The following ZNF71 variants were observed in gnomAD, a reference collection of about 807,000 sequenced individuals.
ZNF71 encodes the protein zinc finger protein 71.
Under a neutral mutation model 6.7 loss-of-function variants are expected in ZNF71, and 3 were observed. The observed-to-expected ratio is 0.45, with a 90% CI of 0.20 to 1.16. The LOEUF (loss-of-function observed/expected upper bound fraction) is 1.16. ZNF71 is among the 50% of genes most tolerant of loss of function. ZNF71 has a pLI of 0.25. For synonymous variants in ZNF71, 343 were observed against 311.1 expected (o/e 1.10, Z -1.08); for missense variants, 688 against 728.6 (o/e 0.94, Z 0.64).
Position 56,621,471 on chromosome 19 carries a change from C to T in ZNF71, c.364C>T (p.Pro122Ser), listed in dbSNP as rs1253817718. ...AGAEWEPLGI[P>S]QGNKLLGGSV... Reference sequence around the variant, plus strand: ...TGCAGAGTGGGAGCCATTGGGAATTCCCCAGGGGAACAAACTCTTAGGGGG... The same window carrying T: ...TGCAGAGTGGGAGCCATTGGGAATTTCCCAGGGGAACAAACTCTTAGGGGG... The change falls in exon 4 of 4, where the codon CCC becomes TCC. Residue 122 changes from proline to serine, a missense_variant. By Grantham distance (74) the Pro-to-Ser change is moderately conservative (BLOSUM62 -1). Transcript: ENST00000599599. 1 of 1,613,994 alleles carries T rather than the reference C, an allele frequency of 6.2e-7. No individual in the cohort carries two copies. The highest frequency in any genetic ancestry group is 8.5e-7 in the Non-Finnish European group (1 of 1,179,946).
chr19:56,609,483 C>T (rs73625112), intron 2 of ZNF71, among the ~76,000 whole-genome samples: 12,401 of 152,180 alleles, frequency 0.081, 1,616 homozygotes, highest in African/African-American at 0.27. Context: ...GGCAACCACA[C>T]ATCTACCTTC....
Position 56,613,787 on chromosome 19 carries a change from A to G in ZNF71, c.34-25A>G, listed in dbSNP as rs762003651. Reference sequence around the variant, plus strand: ...CCTCTGTAAGGAGGGCCCTGCGATGAGCGGATGTGGGTTTCCTCTTACAGG... The same window carrying G: ...CCTCTGTAAGGAGGGCCCTGCGATGGGCGGATGTGGGTTTCCTCTTACAGG... On this transcript the variant is annotated intron_variant, in intron 2 of 3. Transcript: ENST00000599599. This position sits in a 1 kb window ranked among gnomAD's most constrained non-coding sequence, Gnocchi z 4.6. 60 of 1,084,126 alleles carry G rather than the reference A, an allele frequency of 5.5e-5. No homozygotes were observed. The highest frequency in any genetic ancestry group is 6.7e-5 in the African/African-American group (4 of 59,452). The allele number at this position is 1,084,126 out of a possible 1,614,324, so 67.2% of individuals were successfully genotyped here. A position where few individuals can be genotyped will look rare whatever the true frequency, so the allele number is the denominator to read the frequency against.
At position 56,623,588 on chromosome 19, in the gene ZNF71, A is replaced by G. The variant is rs183693053; in HGVS notation, c.*831A>G. 3.6e-5 allele frequency: 6 copies of G among 167,234 alleles called. No individual in the cohort carries two copies. In the East Asian group the frequency reaches 9.6e-4, roughly 27 times the overall value. The allele number at this position is 167,234 out of a possible 1,614,324, so 10.4% of individuals were successfully genotyped here. On this transcript the variant is annotated 3_prime_UTR_variant, in exon 4 of 4. Transcript: ENST00000599599. ...TCAATAAGTATATACATCTGAGCAC[A>G]GATTATTTTTATAGTGATTTTTGCA... is the stretch of plus-strand genomic sequence containing the variant.
chr19:56,596,614 G>T (rs556501012), intron 1 of ZNF71, among the ~76,000 whole-genome samples: 1 of 152,314 alleles, frequency 6.6e-6, no homozygotes. Context: ...CCAAGGAGAG[G>T]TTGATTTGTT....
intron 1 of ZNF71, among the ~76,000 whole-genome samples, chr19:56,600,017 C>T (rs922813360): frequency 2.0e-5 from 3 of 151,244 alleles, no homozygotes; most frequent in African/African-American, 7.3e-5. Context: ...TATTATTGAT[C>T]ATAGTCACCC....
chr19:56,621,360 C>A lies in ZNF71; in HGVS notation c.253C>A (p.Pro85Thr), dbSNP rs1458757862. ...CGTTGTTGGGGAGGCCACGGGGGGA[C>A]CCACGAGGAATGGTGCCAGGGGTCC... ...LSVVGEATGG[P>T]TRNGARGPGS... The change falls in exon 4 of 4, where the codon CCC becomes ACC. Residue 85 changes from proline to threonine, a missense_variant. Transcript: ENST00000599599. The A allele has an allele frequency of 1.3e-6, 2 of 1,579,514 alleles. No homozygotes were observed. The highest frequency in any genetic ancestry group is 1.7e-4 in the Middle Eastern group (1 of 5,864).
intron 3 of ZNF71, among the ~76,000 whole-genome samples, chr19:56,616,979 T>C (rs1173644279): frequency 6.6e-6 from 1 of 152,214 alleles, no homozygotes; most frequent in Non-Finnish European, 1.5e-5. Context: ...TCCTTTATAC[T>C]CTGTCTTGGA....
At chr19:56,602,467 T>G (rs2044678208) in intron 2 of ZNF71, among the ~76,000 whole-genome samples, 1 of 152,216 alleles carries the variant, frequency 6.6e-6, no homozygotes, top group Non-Finnish European at 1.5e-5. Flanking sequence ...TTATTCTGCA[T>G]GTTGGATATA....
At chr19:56,619,111 C>T (rs1188016275) in intron 3 of ZNF71, among the ~76,000 whole-genome samples, 1 of 152,096 alleles carries the variant, frequency 6.6e-6, no homozygotes, top group African/African-American at 2.4e-5. Context: ...TCTGCTAAGT[C>T]TCTCTAAAAC....
At chr19:56,608,356 C>T (rs927902020) in intron 2 of ZNF71, among the ~76,000 whole-genome samples, 1 of 152,180 alleles carries the variant, frequency 6.6e-6, no homozygotes, top group Non-Finnish European at 1.5e-5. Flanking sequence ...TCATTTAAAT[C>T]ATGGAATCGT....
At chr19:56,604,635 G>A (rs2044695801) in intron 2 of ZNF71, among the ~76,000 whole-genome samples, 2 of 152,166 alleles carry the variant, frequency 1.3e-5, no homozygotes, top group Admixed American at 1.3e-4. Context: ...AGCTCATGAG[G>A]GGCAGAGCCA....
chr19:56,622,672 G>T lies in ZNF71; in HGVS notation c.1565G>T (p.Gly522Val), dbSNP rs1373539534. The change falls in exon 4 of 4, where the codon GGC becomes GTC. Residue 522 changes from glycine to valine, a missense_variant. Transcript: ENST00000599599. Reference sequence around the variant, plus strand: ...ACTGTGCACCAGCGGATCCACACGGGCGAGAAGCCCTACCGATGCGGCGAG... The same window carrying T: ...ACTGTGCACCAGCGGATCCACACGGTCGAGAAGCCCTACCGATGCGGCGAG... ...SLTVHQRIHT[G>V]EKPYRCGECG... The T allele has an allele frequency of 3.1e-6, 5 of 1,614,192 alleles. No individual in the cohort carries two copies. In the South Asian group the frequency reaches 3.3e-5, roughly 11 times the overall value.
chr19:56,602,306 A>G (rs2044676987), intron 2 of ZNF71, among the ~76,000 whole-genome samples: 1 of 152,074 alleles, frequency 6.6e-6, no homozygotes, highest in African/African-American at 2.4e-5. Context: ...GTCTTATATG[A>G]TTTCTTTAGG....
At chr19:56,599,917 G>C (rs1483029301) in intron 1 of ZNF71, among the ~76,000 whole-genome samples, 1 of 151,700 alleles carries the variant, frequency 6.6e-6, no homozygotes, top group Non-Finnish European at 1.5e-5. Context: ...TCCTGACCTC[G>C]TGATCCGCCC....
Position 56,602,213 on chromosome 19 carries a change from T to C in ZNF71, c.33+622T>C, listed in dbSNP as rs530522232. Among the ~76,000 whole-genome samples, 3 of 152,338 alleles carry C rather than the reference T, an allele frequency of 2.0e-5. No homozygotes were observed. The South Asian group carries it at 6.2e-4, about 32-fold the overall frequency. The stretch of plus-strand genomic sequence containing the variant: ...GGTTTACTTAATGGTTCCTCTGTTG[T>C]TGGACCTTTATTGGTTTCCAAGTAT... On this transcript the variant is annotated intron_variant, in intron 2 of 3. Transcript: ENST00000599599.
At chr19:56,606,284 T>C (rs73618948) in intron 2 of ZNF71, among the ~76,000 whole-genome samples, 8,367 of 152,242 alleles carry the variant, frequency 0.055, 755 homozygotes, top group African/African-American at 0.18. Flanking sequence ...AAGGGTGAAG[T>C]ATCACTCTGT....
chr19:56,609,168 C>T (rs2044731433), intron 2 of ZNF71, among the ~76,000 whole-genome samples: 2 of 152,126 alleles, frequency 1.3e-5, no homozygotes, highest in African/African-American at 4.8e-5. Context: ...AGGTAAAACG[C>T]ACCTATTTGA....
At chr19:56,597,004 G>A (rs113822441) in intron 1 of ZNF71, among the ~76,000 whole-genome samples, 4,283 of 152,272 alleles carry the variant, frequency 0.028, 96 homozygotes, top group Middle Eastern at 0.051. Context: ...TTCCAGGGCC[G>A]CTGCATGATT....
rs746862574 is a variant in ZNF71 at position 56,621,618 on chromosome 19, T to G, written c.511T>G (p.Phe171Val). The G allele has an allele frequency of 6.2e-7, 1 of 1,614,170 alleles. No individual in the cohort carries two copies. Among genetic ancestry groups the G allele is most frequent in the Admixed American group, 1.7e-5 (1 of 60,026 alleles). Residue 171 changes from phenylalanine to valine, a missense_variant, in exon 4 of 4, where the codon TTC becomes GTC. Physicochemically the swap from Phe to Val is conservative, Grantham distance 50. Coordinates refer to ENST00000599599, the MANE Select transcript of ZNF71 (RefSeq NM_001370215.1). ...ACPPVRRGKN[F>V]SSTSDLSKPP... ...TCCACCCGTAAGGCGTGGCAAGAAC[T>G]TCTCCAGCACTTCAGACCTCAGTAA...
Sources: gnomAD v4.1 joint callset for allele counts (sites outside exome capture counted in the v4.1 genomes callset) on GRCh38, gnomAD v4.1.1 for gene constraint, Gnocchi (gnomAD v3.1) non-coding constraint, MANE v1.5 for transcripts, NCBI Gene and HGNC (gene_info 2026-07-23, HGNC 2026-07-21) for gene names.